ZFAT: variants seen among roughly 807,000 people sequenced by gnomAD.
ZFAT encodes zinc finger protein ZFAT.
A neutral mutation model predicts 117.7 loss-of-function variants in ZFAT; 64 were observed. That is an observed-to-expected ratio of 0.54 (90% confidence interval 0.44 to 0.67). The LOEUF (loss-of-function observed/expected upper bound fraction) is 0.67. Ranked by LOEUF, ZFAT falls within the 30% of genes least tolerant of loss-of-function variation. The probability of loss-of-function intolerance (pLI) is 0.00; values close to 1 mark genes in which losing one functional copy is unlikely to be tolerated. For synonymous variants in ZFAT, 679 were observed against 615.0 expected (o/e 1.10, Z -1.54); for missense variants, 1,433 against 1,584.5 (o/e 0.90, Z 1.62).
chr8:134,755,817 C>CAAAAAAAAAAAAAAAAA, the ZFAT span, among the ~76,000 whole-genome samples: 13 of 89,970 alleles, frequency 1.4e-4, no homozygotes, highest in East Asian at 3.3e-4. Flanking sequence ...GACTCCATCT[C>CAAAAAAAAAAAAAAAAA]AAAAAAAAAA....
At chr8:134,812,268 A>G in the ZFAT span, among the ~76,000 whole-genome samples, 2 of 152,244 alleles carry the variant, frequency 1.3e-5, no homozygotes, top group Admixed American at 1.3e-4. Context: ...GCTAGTATGC[A>G]ATAAATGGAA....
intron 15 of ZFAT, among the ~76,000 whole-genome samples, chr8:134,483,909 C>T (rs1452868567): frequency 6.6e-6 from 1 of 152,246 alleles, no homozygotes; most frequent in Non-Finnish European, 1.5e-5. Context: ...GATGGATCCT[C>T]TGCGGTGCGC....
At chr8:134,760,281 A>C in the ZFAT span, among the ~76,000 whole-genome samples, 53 of 128,748 alleles carry the variant, frequency 4.1e-4, 2 homozygotes, top group African/African-American at 1.1e-3. Flanking sequence ...AAGAAAAAAA[A>C]AAAAAAACAA....
intron 2 of ZFAT, among the ~76,000 whole-genome samples, chr8:134,644,577 T>C (rs976725282): frequency 2.3e-4 from 33 of 143,374 alleles, no homozygotes; most frequent in Non-Finnish European, 3.7e-4. Flanking sequence ...CACAACCACA[T>C]ACACAACCCA....
At chr8:134,684,633 C>T (rs1027977052) in intron 1 of ZFAT, among the ~76,000 whole-genome samples, 5 of 152,094 alleles carry the variant, frequency 3.3e-5, no homozygotes, top group African/African-American at 1.2e-4. Flanking sequence ...CTTCTCCCTT[C>T]CTTTATGTAA....
At chr8:134,644,471 A>G (rs1423512396) in intron 2 of ZFAT, among the ~76,000 whole-genome samples, 1 of 151,962 alleles carries the variant, frequency 6.6e-6, no homozygotes, top group Non-Finnish European at 1.5e-5. Context: ...CCCATATACA[A>G]AATCATACAC....
At chr8:134,829,917 G>A in the ZFAT span, among the ~76,000 whole-genome samples, 1 of 152,252 alleles carries the variant, frequency 6.6e-6, no homozygotes, top group South Asian at 2.1e-4. Flanking sequence ...TGTGTGTATA[G>A]TATTTCAAAA....
chr8:134,646,703 A>G (rs1443875999), intron 2 of ZFAT, among the ~76,000 whole-genome samples: 1 of 152,158 alleles, frequency 6.6e-6, no homozygotes, highest in Non-Finnish European at 1.5e-5. Context: ...TAAATTTTGA[A>G]TAAAAAAGGA....
intron 15 of ZFAT, among the ~76,000 whole-genome samples, chr8:134,491,366 C>T (rs969123614): frequency 5.3e-5 from 8 of 152,234 alleles, no homozygotes; most frequent in African/African-American, 1.2e-4. Context: ...GTGGACACTA[C>T]GCTTAGGAGA....
At chr8:134,615,334 G>A (rs1053957793) in intron 3 of ZFAT, among the ~76,000 whole-genome samples, 10 of 152,052 alleles carry the variant, frequency 6.6e-5, no homozygotes, top group East Asian at 1.9e-4. Flanking sequence ...TTACAGGTGC[G>A]CACCATCCCA....
At chr8:134,780,186 G>T in the ZFAT span, among the ~76,000 whole-genome samples, 1 of 152,136 alleles carries the variant, frequency 6.6e-6, no homozygotes, top group Non-Finnish European at 1.5e-5. Flanking sequence ...TTATTTTCAG[G>T]TTTCTTCAAT....
chr8:134,640,935 C>A (rs983609605), intron 2 of ZFAT, among the ~76,000 whole-genome samples: 5 of 151,838 alleles, frequency 3.3e-5, no homozygotes, highest in Admixed American at 6.6e-5. Flanking sequence ...AGCTTTAATT[C>A]CTCTTCCTCC....
intron 12 of ZFAT, among the ~76,000 whole-genome samples, chr8:134,530,504 C>A (rs548241438): frequency 2.2e-4 from 33 of 152,332 alleles, no homozygotes; most frequent in Middle Eastern, 3.4e-3. Flanking sequence ...ACTCCACCAT[C>A]CATCTGATTT....
chr8:134,771,949 C>T, the ZFAT span, among the ~76,000 whole-genome samples: 12 of 152,282 alleles, frequency 7.9e-5, no homozygotes, highest in Admixed American at 3.3e-4. Context: ...TGAAACTCCC[C>T]TTTTTAAACC....
At chr8:134,642,434 G>A (rs773750695) in intron 2 of ZFAT, among the ~76,000 whole-genome samples, 4 of 152,172 alleles carry the variant, frequency 2.6e-5, no homozygotes, top group Non-Finnish European at 4.4e-5. Flanking sequence ...CCATTACAAT[G>A]CTGGGCACAG....
chr8:134,666,211 T>A (rs1047418948), intron 1 of ZFAT, among the ~76,000 whole-genome samples: 1 of 152,106 alleles, frequency 6.6e-6, no homozygotes, highest in African/African-American at 2.4e-5. Context: ...CCACCAGTAA[T>A]GAGGTGCACT....
intron 1 of ZFAT, among the ~76,000 whole-genome samples, chr8:134,695,038 C>G (rs1008879960): frequency 2.0e-5 from 3 of 152,188 alleles, no homozygotes; most frequent in Admixed American, 1.3e-4. Flanking sequence ...GCAGGATGGT[C>G]GCACCGCAAA....
intron 1 of ZFAT, among the ~76,000 whole-genome samples, chr8:134,704,050 G>A (rs1317467125): frequency 6.6e-6 from 1 of 152,202 alleles, no homozygotes; most frequent in East Asian, 1.9e-4. Flanking sequence ...AGGAGGCAAT[G>A]GTGACTCAAG....
At chr8:134,487,894 C>G (rs769356070) in intron 15 of ZFAT, among the ~76,000 whole-genome samples, 9 of 152,236 alleles carry the variant, frequency 5.9e-5, no homozygotes, top group Non-Finnish European at 1.3e-4. Context: ...CAAAGGTGAA[C>G]AGTGAATGCT....
Sources: allele counts gnomAD v4.1 joint callset (sites outside exome capture counted in the v4.1 genomes callset), GRCh38; gene constraint gnomAD v4.1.1; transcripts MANE v1.5; gene names NCBI Gene and HGNC (gene_info 2026-07-23, HGNC 2026-07-21).